Variants in KIF17 observed in about 807,000 individuals in gnomAD.
KIF17 encodes the protein kinesin family member 17.
In KIF17, 80 loss-of-function variants were observed where a neutral mutation model predicts 96.8. The observed-to-expected ratio is 0.83, with a 90% CI of 0.69 to 1.00. KIF17 has a LOEUF of 1.00. Ranked by LOEUF, KIF17 falls within the 50% of genes least tolerant of loss-of-function variation. The probability of loss-of-function intolerance (pLI) is 0.00; values close to 1 mark genes in which losing one functional copy is unlikely to be tolerated. For synonymous variants in KIF17, 567 were observed against 587.5 expected (o/e 0.97, Z 0.51); for missense variants, 1,280 against 1,372.9 (o/e 0.93, Z 1.07).
intron 6 of KIF17, among the ~76,000 whole-genome samples, chr1:20,690,660 C>CT (rs2054022814): frequency 1.3e-5 from 2 of 151,320 alleles, no homozygotes; most frequent in Non-Finnish European, 1.5e-5. Context: ...ATAGCTGGGA[C>CT]TATGGGCATG....
chr1:20,685,207 T>G lies in KIF17; in HGVS notation c.2020-187A>C. The G allele has an allele frequency of 1.4e-6, 1 of 704,094 alleles. No individual in the cohort carries two copies. The highest frequency in any genetic ancestry group is 1.5e-5 in the South Asian group (1 of 66,744). 43.6% of individuals were successfully genotyped at this position (704,094 alleles called of 1,614,324 possible). On this transcript the variant is annotated intron_variant, in intron 9 of 14. Transcript: ENST00000400463. This position sits in a 1 kb window ranked among gnomAD's most constrained non-coding sequence, Gnocchi z 4.1. ...GAGTTCTTACTGCCGCTATTCCCAC[T>G]GACACCCCCACGCTAGGAGGAAGGC...
intron 2 of KIF17, among the ~76,000 whole-genome samples, chr1:20,715,078 C>T (rs1256777739): frequency 6.6e-6 from 1 of 152,204 alleles, no homozygotes; most frequent in East Asian, 1.9e-4. Flanking sequence ...GGCTCAGTCT[C>T]AACCTCCCTA....
intron 5 of KIF17, among the ~76,000 whole-genome samples, chr1:20,703,188 C>CGGATGGAT (rs879425464): frequency 1.1e-4 from 10 of 92,892 alleles, no homozygotes; most frequent in South Asian, 9.4e-4. Flanking sequence ...AATGGATGGA[C>CGGATGGAT]GGATGGATGG....
At position 20,664,195 on chromosome 1, in the gene KIF17, A is replaced by G; in HGVS notation, c.*389T>C. On this transcript the variant is annotated 3_prime_UTR_variant, in exon 15 of 15. Coordinates refer to ENST00000400463, the MANE Select transcript of KIF17 (RefSeq NM_001122819.3). ...GAGGCACAGTTCCTTCCCAGCTGAT[A>G]TTGAGCTTCCTCCACGTGGCAGCTG... is the stretch of plus-strand genomic sequence containing the variant. The G allele has an allele frequency of 4.7e-6, 2 of 424,424 alleles. No homozygotes were observed. The highest frequency in any genetic ancestry group is 3.9e-6 in the Non-Finnish European group (1 of 256,424). The allele number at this position is 424,424 out of a possible 1,614,324, so 26.3% of individuals were successfully genotyped here.
chr1:20,690,432 A>G (rs996551953), intron 6 of KIF17, 97 bp from the exon 7 acceptor site: 2 of 1,170,212 alleles, frequency 1.7e-6, no homozygotes, highest in East Asian at 4.9e-5. Flanking sequence ...AACAATACAG[A>G]ACCTATAAGT....
chr1:20,685,952 A>G lies in KIF17; in HGVS notation c.2019+94T>C. 1 of 1,057,536 alleles carries G rather than the reference A, an allele frequency of 9.5e-7. No individual in the cohort carries two copies. The highest frequency in any genetic ancestry group is 1.3e-5 in the South Asian group (1 of 74,234). 65.5% of individuals were successfully genotyped at this position (1,057,536 alleles called of 1,614,324 possible). A position where few individuals can be genotyped will look rare whatever the true frequency, so the allele number is the denominator to read the frequency against. On this transcript the variant is annotated intron_variant, in intron 9 of 14. Coordinates refer to ENST00000400463, the MANE Select transcript of KIF17 (RefSeq NM_001122819.3). The surrounding 1 kb of genome is among the most constrained non-coding windows in gnomAD (Gnocchi z 4.1). Reference sequence around the variant, plus strand: ...GTTGTTCTCAGCTCATGGATGAGGAAACTGAAGCTCAGGGAGGGAGAAGAC... The same window carrying G: ...GTTGTTCTCAGCTCATGGATGAGGAGACTGAAGCTCAGGGAGGGAGAAGAC...
In KIF17 at chr1:20,709,706, C is replaced by T. The variant is rs1411653196; in HGVS notation, c.603G>A (p.Thr201=). ...TGWKNRSVGY[T]LMNKDSSRSH... is the part of the protein sequence containing the mutation. ...AGCGTGAGGAATCCTTGTTCATCAG[C>T]GTGTAGCCGACCGAACGGTTCTTCC... is the stretch of plus-strand genomic sequence containing the variant. Residue 201 remains threonine (T), a synonymous_variant, in exon 4 of 15, where the codon ACG becomes ACA. Coordinates refer to ENST00000400463, the MANE Select transcript of KIF17 (RefSeq NM_001122819.3). This position sits in a 1 kb window ranked among gnomAD's most constrained non-coding sequence, Gnocchi z 4.7. 5.0e-6 allele frequency: 8 copies of T among 1,613,982 alleles called. No homozygotes were observed. The highest frequency in any genetic ancestry group is 1.7e-5 in the Admixed American group (1 of 60,008).
rs539685340 is a variant in KIF17 at position 20,682,966 on chromosome 1, C to T, written c.2232-82G>A. 3.5e-4 allele frequency: 438 copies of T among 1,241,410 alleles called. 1 individual carries two copies. Among genetic ancestry groups the T allele is most frequent in the Admixed American group, 7.6e-4 (42 of 54,914 alleles). 76.9% of individuals were successfully genotyped at this position (1,241,410 alleles called of 1,614,324 possible). ...GCCATCCAGCAGGCTCCAGGCTATG[C>T]GTGGGCCCCCCAGATCCTTCCAACA... On this transcript the variant is annotated intron_variant, in intron 10 of 14. Coordinates refer to ENST00000400463, the MANE Select transcript of KIF17 (RefSeq NM_001122819.3).
intron 13 of KIF17, among the ~76,000 whole-genome samples, chr1:20,668,251 C>T (rs1198257508): frequency 1.3e-5 from 2 of 148,902 alleles, no homozygotes; most frequent in African/African-American, 5.0e-5. Context: ...CGGAGCTTGC[C>T]GTGAGCCGAG....
chr1:20,707,046 T>C (rs192035380), intron 4 of KIF17, among the ~76,000 whole-genome samples: 3 of 152,010 alleles, frequency 2.0e-5, no homozygotes, highest in Non-Finnish European at 4.4e-5. Flanking sequence ...CAATGAGCTA[T>C]GATTGCACCA....
In KIF17 at chr1:20,704,331, G is replaced by A; in HGVS notation, c.1123+116C>T. On this transcript the variant is annotated intron_variant, in intron 5 of 14. Transcript: ENST00000400463. This position sits in a 1 kb window ranked among gnomAD's most constrained non-coding sequence, Gnocchi z 6.8. Reference sequence around the variant, plus strand: ...CTGCGCTCACATGGGGCTGAGGGGTGGGAGGATGCTGCTCCCACTGTCTTT... The same window carrying A: ...CTGCGCTCACATGGGGCTGAGGGGTAGGAGGATGCTGCTCCCACTGTCTTT... 1.2e-6 allele frequency: 1 copy of A among 844,446 alleles called. No individual in the cohort carries two copies. Among genetic ancestry groups the A allele is most frequent in the Non-Finnish European group, 1.9e-6 (1 of 514,518 alleles). The allele number at this position is 844,446 out of a possible 1,614,324, so 52.3% of individuals were successfully genotyped here.
chr1:20,717,856 T>G lies in KIF17; in HGVS notation c.-150A>C. The G allele has an allele frequency of 4.1e-6, 2 of 485,284 alleles. No individual in the cohort carries two copies. The highest frequency in any genetic ancestry group is 5.0e-6 in the Non-Finnish European group (2 of 403,710). 30.1% of individuals were successfully genotyped at this position (485,284 alleles called of 1,614,324 possible). Reference sequence around the variant, plus strand: ...GGCCGCGGCGGGGGGCGGGGACCCCTCGGGGGGCGCCCCGGAGGGGAGCTG... The same window carrying G: ...GGCCGCGGCGGGGGGCGGGGACCCCGCGGGGGGCGCCCCGGAGGGGAGCTG... On this transcript the variant is annotated 5_prime_UTR_variant, in exon 1 of 15. Coordinates refer to ENST00000400463, the MANE Select transcript of KIF17 (RefSeq NM_001122819.3).
At position 20,709,528 on chromosome 1, in the gene KIF17, C is replaced by T. The variant is rs553356255; in HGVS notation, c.670+111G>A. On this transcript the variant is annotated intron_variant, in intron 4 of 14. Coordinates refer to ENST00000400463, the MANE Select transcript of KIF17 (RefSeq NM_001122819.3). This position sits in a 1 kb window ranked among gnomAD's most constrained non-coding sequence, Gnocchi z 4.7. ...TTGGGTTTCCTCCAGGCTGTTAGAG[C>T]ATCTCTTCCCACTTTCCAGGGGCTC... 2 of 1,190,488 alleles carry T rather than the reference C, an allele frequency of 1.7e-6. No homozygotes were observed. The highest frequency in any genetic ancestry group is 2.4e-5 in the East Asian group (1 of 41,538). 73.7% of individuals were successfully genotyped at this position (1,190,488 alleles called of 1,614,324 possible).
intron 11 of KIF17, among the ~76,000 whole-genome samples, chr1:20,680,878 C>T (rs544868921): frequency 1.2e-4 from 19 of 152,134 alleles, no homozygotes; most frequent in Non-Finnish European, 2.6e-4. Context: ...AATCCCAGCA[C>T]TTTGGGAGGC....
Position 20,717,592 on chromosome 1 carries a change from T to G in KIF17, c.115A>C (p.Ile39Leu). ...TCGTCGGCGGCGCCCGGGTTCTGGA[T>G]GCAGCACTGGGCGCGCGCGCAGTCC... The part of the protein sequence containing the change: ...TVDCARAQCC[I>L]QNPGAADEPP... Residue 39 changes from isoleucine (I) to leucine (L), a missense_variant, in exon 1 of 15, where the codon ATC (isoleucine) becomes CTC (leucine). Ile to Leu is a conservative substitution (Grantham distance 5). Coordinates refer to ENST00000400463, the MANE Select transcript of KIF17 (RefSeq NM_001122819.3). The G allele has an allele frequency of 6.2e-7, 1 of 1,611,296 alleles. No homozygotes were observed. The highest frequency in any genetic ancestry group is 1.3e-5 in the African/African-American group (1 of 75,000).
chr1:20,702,764 C>T (rs2054259634), intron 5 of KIF17, among the ~76,000 whole-genome samples: 2 of 152,216 alleles, frequency 1.3e-5, no homozygotes, highest in South Asian at 4.1e-4. Flanking sequence ...CCCTCACTGA[C>T]CTTATCCCAC....
At chr1:20,712,881 T>TAG (rs2054496432) in intron 3 of KIF17, among the ~76,000 whole-genome samples, 10 of 26,026 alleles carry the variant, frequency 3.8e-4, no homozygotes, top group African/African-American at 1.4e-3. Flanking sequence ...ATTATCTATA[T>TAG]ATAATATAGA....
intron 5 of KIF17, among the ~76,000 whole-genome samples, chr1:20,703,230 A>C (rs2054274198): frequency 6.6e-6 from 1 of 151,242 alleles, no homozygotes. Flanking sequence ...AAAAGGAAGA[A>C]AGGATCTCTG....
At position 20,700,620 on chromosome 1, in the gene KIF17, G is replaced by T. The variant is rs965121887; in HGVS notation, c.1124-2132C>A. ...TCAAGTCCGGAATTCAGAGGACATG[G>T]TATAGTATGTTTTACTTCTTTTCTA... On this transcript the variant is annotated intron_variant, in intron 5 of 14. Transcript: ENST00000400463. The surrounding 1 kb of genome is among the most constrained non-coding windows in gnomAD (Gnocchi z 4.6). Among the ~76,000 whole-genome samples, 18 of 152,206 alleles carry T rather than the reference G, an allele frequency of 1.2e-4. No individual in the cohort carries two copies. The highest frequency in any genetic ancestry group is 1.5e-4 in the Non-Finnish European group (10 of 68,046).
Sources: allele counts gnomAD v4.1 joint callset (sites outside exome capture counted in the v4.1 genomes callset), GRCh38; gene constraint gnomAD v4.1.1; non-coding constraint Gnocchi (gnomAD v3.1); transcripts MANE v1.5; gene names NCBI Gene and HGNC (gene_info 2026-07-23, HGNC 2026-07-21).